KCNN2: variants seen among roughly 807,000 people sequenced by gnomAD.
KCNN2 encodes the protein small conductance calcium-activated potassium channel protein 2.
Under a neutral mutation model 55.5 loss-of-function variants are expected in KCNN2, and 24 were observed. The observed-to-expected ratio is 0.43, with a 90% CI of 0.31 to 0.61. KCNN2 has a LOEUF of 0.61. Among genes scored for constraint, KCNN2 ranks in the 20% least tolerant of loss-of-function variants. The pLI is 0.08. For synonymous variants in KCNN2, 431 were observed against 336.1 expected (o/e 1.28, Z -3.09); for missense variants, 754 against 853.6 (o/e 0.88, Z 1.45).
chr5:114,363,619 C>T (rs868080689), intron 1 of KCNN2, among the ~76,000 whole-genome samples: 1 of 152,194 alleles, frequency 6.6e-6, no homozygotes, highest in Admixed American at 6.5e-5. Flanking sequence ...GTAAGTTCCT[C>T]TGGTTTTGCT....
intron 1 of KCNN2, among the ~76,000 whole-genome samples, chr5:114,069,994 A>C (rs1385327934): frequency 6.6e-6 from 1 of 152,214 alleles, no homozygotes; most frequent in African/African-American, 2.4e-5. Context: ...TCTTATATGC[A>C]TTCATTTCTG....
rs114255731 is a variant in KCNN2 at position 114,370,927 on chromosome 5, A to G, written c.1218+6926A>G. Reference sequence around the variant, plus strand: ...CAGGCCTTGTTTTGATGCTGTGAGAATTGGTCTGGATACTATTAGGTAGTT... The same window carrying G: ...CAGGCCTTGTTTTGATGCTGTGAGAGTTGGTCTGGATACTATTAGGTAGTT... On this transcript the variant is annotated intron_variant, in intron 2 of 7. Transcript: ENST00000673685. Among the ~76,000 whole-genome samples, 514 of 151,676 alleles carry G rather than the reference A, an allele frequency of 3.4e-3. 1 individual carries two copies. The highest frequency in any genetic ancestry group is 5.7e-3 in the Non-Finnish European group (390 of 67,970).
intron 3 of KCNN2, among the ~76,000 whole-genome samples, chr5:114,449,908 A>ACACACACATACGCGCG (rs1309590184): frequency 2.1e-4 from 14 of 66,120 alleles, no homozygotes; most frequent in African/African-American, 4.5e-4. Context: ...ACACACACAC[A>ACACACACATACGCGCG]CGCGCGCGCT....
intron 1 of KCNN2, among the ~76,000 whole-genome samples, chr5:114,149,125 C>G (rs1488925762): frequency 6.6e-6 from 1 of 152,076 alleles, no homozygotes; most frequent in Non-Finnish European, 1.5e-5. Context: ...AGCCTGGATT[C>G]CACCCTGTTT....
intron 2 of KCNN2, among the ~76,000 whole-genome samples, chr5:114,377,974 A>T (rs1187133434): frequency 6.6e-6 from 1 of 152,228 alleles, no homozygotes; most frequent in Non-Finnish European, 1.5e-5. Flanking sequence ...ACAAGGAAGC[A>T]GAGCCTAGAA....
At chr5:114,170,409 A>AT (rs1347449785) in intron 1 of KCNN2, among the ~76,000 whole-genome samples, 1 of 151,990 alleles carries the variant, frequency 6.6e-6, no homozygotes, top group Non-Finnish European at 1.5e-5. Flanking sequence ...GACTAGTAAA[A>AT]TTTTTTTCAT....
At chr5:114,202,133 C>A (rs966287475) in intron 1 of KCNN2, among the ~76,000 whole-genome samples, 6 of 152,060 alleles carry the variant, frequency 3.9e-5, no homozygotes, top group Non-Finnish European at 7.4e-5. Context: ...TGTAGACTCC[C>A]TAGTAGCTGG....
intron 2 of KCNN2, among the ~76,000 whole-genome samples, chr5:114,296,325 T>C (rs1012265025): frequency 2.0e-5 from 3 of 152,116 alleles, no homozygotes; most frequent in Non-Finnish European, 4.4e-5. Context: ...ACAATGTGAG[T>C]TCATCCTCAT....
chr5:114,478,742 A>C lies in KCNN2; in HGVS notation c.1890+5578A>C, dbSNP rs188754480. Among the ~76,000 whole-genome samples, 131 of 152,308 alleles carry C rather than the reference A, an allele frequency of 8.6e-4. 1 individual carries two copies. Among genetic ancestry groups the C allele is most frequent in the Admixed American group, 1.7e-3 (26 of 15,292 alleles). On this transcript the variant is annotated intron_variant, in intron 5 of 7. Transcript: ENST00000673685. ...ACAAGGCAGAAGAGACTGGGGGCCC[A>C]TATTCAACATTCTTAAAGAATTTCC... is the stretch of plus-strand genomic sequence containing the variant.
At chr5:114,117,349 C>G (rs545310856) in intron 1 of KCNN2, among the ~76,000 whole-genome samples, 1 of 152,162 alleles carries the variant, frequency 6.6e-6, no homozygotes, top group Non-Finnish European at 1.5e-5. Flanking sequence ...ACTCTGACCA[C>G]TGTGGTAACC....
intron 1 of KCNN2, among the ~76,000 whole-genome samples, chr5:114,112,690 TA>T (rs1751624748): frequency 6.6e-6 from 1 of 152,048 alleles, no homozygotes; most frequent in Non-Finnish European, 1.5e-5. Context: ...CAAACCTCAT[TA>T]AAAGCTGAAA....
chr5:114,374,632 T>C (rs1379970543), intron 2 of KCNN2, among the ~76,000 whole-genome samples: 1 of 152,302 alleles, frequency 6.6e-6, no homozygotes, highest in East Asian at 1.9e-4. Context: ...CTTTTCTGTT[T>C]TATTTCAAAT....
intron 2 of KCNN2, among the ~76,000 whole-genome samples, chr5:114,288,499 T>TATACACACACAC (rs1305284375): frequency 1.6e-4 from 23 of 139,548 alleles, no homozygotes; most frequent in Non-Finnish European, 2.6e-4. Flanking sequence ...TATATATATA[T>TATACACACACAC]ACACACACAC....
chr5:114,122,960 G>T (rs1178957431), intron 1 of KCNN2, among the ~76,000 whole-genome samples: 1 of 152,204 alleles, frequency 6.6e-6, no homozygotes, highest in Non-Finnish European at 1.5e-5. Flanking sequence ...CAGAGATTTA[G>T]CATTTTCTGT....
At chr5:114,425,279 A>G (rs1182486117) in intron 3 of KCNN2, among the ~76,000 whole-genome samples, 2 of 152,214 alleles carry the variant, frequency 1.3e-5, no homozygotes, top group Non-Finnish European at 2.9e-5. Flanking sequence ...TACTAGGGAA[A>G]TTCAGCTAGG....
At chr5:114,363,769 G>T in intron 1 of KCNN2, 137 bp from the exon 2 acceptor site, 3 of 631,816 alleles carry the variant, frequency 4.7e-6, no homozygotes, top group East Asian at 5.4e-5. Flanking sequence ...ACAGAGCCAA[G>T]ACAGGTGCAC....
In KCNN2 at chr5:114,266,383, A is replaced by G. The variant is rs534541535; in HGVS notation, c.-185+44818A>G. On this transcript the variant is annotated intron_variant, in intron 2 of 10. Transcript: ENST00000512097. ...CCAAGTTACTGAGGGTTTGGGAGAA[A>G]GAGCAACTGTTTGGAGGATTTGATA... is the stretch of plus-strand genomic sequence containing the variant. Among the ~76,000 whole-genome samples, 231 of 152,266 alleles carry G rather than the reference A, an allele frequency of 1.5e-3. 1 individual carries two copies. Among genetic ancestry groups the G allele is most frequent in the African/African-American group, 5.3e-3 (221 of 41,532 alleles).
intron 4 of KCNN2, among the ~76,000 whole-genome samples, chr5:114,467,444 G>C (rs1467560186): frequency 6.6e-6 from 1 of 152,136 alleles, no homozygotes; most frequent in Non-Finnish European, 1.5e-5. Flanking sequence ...ATTTGACATT[G>C]GGTGTTTAAT....
At chr5:114,265,673 C>T (rs1432537457) in intron 2 of KCNN2, among the ~76,000 whole-genome samples, 1 of 152,170 alleles carries the variant, frequency 6.6e-6, no homozygotes. Flanking sequence ...TTGCTCCATC[C>T]GTGGCTTCAA....
Sources: gnomAD v4.1 joint callset for allele counts (sites outside exome capture counted in the v4.1 genomes callset) on GRCh38, gnomAD v4.1.1 for gene constraint, MANE v1.5 for transcripts, NCBI Gene and HGNC (gene_info 2026-07-23, HGNC 2026-07-21) for gene names.